RAD54L: variants seen among roughly 807,000 people sequenced by gnomAD.
RAD54L encodes the protein RAD54 like.
Under a neutral mutation model 91.6 loss-of-function variants are expected in RAD54L, and 74 were observed. The ratio of observed to expected loss-of-function variants is 0.81; its 90% CI spans 0.67 to 0.98. The LOEUF (loss-of-function observed/expected upper bound fraction) is 0.98, where lower values mean the gene tolerates loss of function less well. Ranked by LOEUF, RAD54L falls within the 50% of genes least tolerant of loss-of-function variation. RAD54L has a pLI of 0.00. For synonymous variants in RAD54L, 304 were observed against 349.7 expected (o/e 0.87, Z 1.46); for missense variants, 887 against 945.7 (o/e 0.94, Z 0.81).
rs1354915693 is a variant in RAD54L, at chr1:46,263,955, T to C, written c.891+2570T>C. ...TGATATTACAGGCGTGCACCACCAC[T>C]CTGGCTAATTTTTGTATTTTTAGTA... On this transcript the variant is annotated intron_variant, in intron 8 of 17. Transcript: ENST00000371975. The surrounding 1 kb of genome is among the most constrained non-coding windows in gnomAD (Gnocchi z 4.3). Among the ~76,000 whole-genome samples the C allele has an allele frequency of 1.3e-5, 2 of 151,980 alleles. No homozygotes were observed. The highest frequency in any genetic ancestry group is 4.8e-5 in the African/African-American group (2 of 41,372).
In RAD54L at chr1:46,270,782, A is replaced by C; in HGVS notation, c.1166A>C (p.Asn389Thr). 1.2e-6 allele frequency: 2 copies of C among 1,614,144 alleles called. No individual in the cohort carries two copies. Among genetic ancestry groups the C allele is most frequent in the African/African-American group, 1.3e-5 (1 of 75,052 alleles). ...CTGCGGGAGCTCACCAGCATTGTGA[A>C]TAGGTAATGACCTTAAGCGAAGTCA... ...ERLRELTSIVNRCLIRRTSDI... is the reference protein window; with the variant it reads ...ERLRELTSIVTRCLIRRTSDI... The change falls in exon 10 of 18, where the codon AAT (asparagine) becomes ACT (threonine). Residue 389 changes from asparagine (N) to threonine (T), a missense_variant. Asn to Thr is a moderately conservative substitution (Grantham distance 65). Coordinates refer to ENST00000371975, the MANE Select transcript of RAD54L (RefSeq NM_003579.4).
intron 3 of RAD54L, among the ~76,000 whole-genome samples, chr1:46,257,297 G>A (rs1049539644): frequency 2.6e-5 from 4 of 152,054 alleles, no homozygotes; most frequent in African/African-American, 9.7e-5. Context: ...TTTGCTAGAA[G>A]GGACATTTTT....
intron 3 of RAD54L, among the ~76,000 whole-genome samples, chr1:46,253,718 C>CTTTTTTT (rs1335416440): frequency 3.2e-4 from 17 of 52,570 alleles, no homozygotes; most frequent in Non-Finnish European, 5.4e-4. Flanking sequence ...TACTTAGGTA[C>CTTTTTTT]TCTTTTTTTT....
intron 3 of RAD54L, among the ~76,000 whole-genome samples, chr1:46,250,608 T>C (rs1157774108): frequency 6.6e-6 from 1 of 152,210 alleles, no homozygotes; most frequent in Non-Finnish European, 1.5e-5. Flanking sequence ...CTAAGCTTTA[T>C]GAGGAATGTT....
chr1:46,260,021 A>G lies in RAD54L; in HGVS notation c.329A>G (p.His110Arg). 2 of 1,614,156 alleles carry G rather than the reference A, an allele frequency of 1.2e-6. No individual in the cohort carries two copies. The highest frequency in any genetic ancestry group is 1.7e-6 in the Non-Finnish European group (2 of 1,180,014). Residue 110 changes from histidine (H) to arginine (R), a missense_variant, in exon 5 of 18, where the codon CAT becomes CGT. Transcript: ENST00000371975. ...AGGGCTGGGGTCCGCCGGGCCCTCC[A>G]TGACCCCCTGGAAAAAGATGCCTTG... ...LKRAGVRRALHDPLEKDALVL... is the reference protein window; with the variant it reads ...LKRAGVRRALRDPLEKDALVL...
intron 14 of RAD54L, 31 bp downstream of exon 14, chr1:46,273,778 G>A (rs368938739): frequency 6.3e-7 from 1 of 1,578,588 alleles, no homozygotes; most frequent in Non-Finnish European, 8.6e-7. Flanking sequence ...GATGCCAAAG[G>A]GGGATATACC....
Position 46,273,629 on chromosome 1 carries a change from A to T in RAD54L, c.1492A>T (p.Met498Leu), listed in dbSNP as rs761459605. 6.2e-7 allele frequency: 1 copy of T among 1,613,446 alleles called. No homozygotes were observed. The highest frequency in any genetic ancestry group is 8.5e-7 in the Non-Finnish European group (1 of 1,180,046). Reference protein sequence around the residue: ...KALEPQLSGKMLVLDYILAVT... With the variant: ...KALEPQLSGKLLVLDYILAVT... ...CTGGTTGCTGCTCTTCCCAGGTAAG[A>T]TGCTGGTCCTGGATTATATTCTGGC... is the stretch of plus-strand genomic sequence containing the variant. Residue 498 changes from methionine to leucine, a missense_variant, in exon 14 of 18, where the codon ATG becomes TTG. Coordinates refer to ENST00000371975, the MANE Select transcript of RAD54L (RefSeq NM_003579.4).
In RAD54L at chr1:46,272,725, C is replaced by T. The variant is rs137873579; in HGVS notation, c.1298C>T (p.Pro433Leu). 473 of 1,614,004 alleles carry T rather than the reference C, an allele frequency of 2.9e-4. No individual in the cohort carries two copies. The highest frequency in any genetic ancestry group is 3.8e-4 in the Non-Finnish European group (444 of 1,180,022). The change falls in exon 12 of 18, where the codon CCG (proline) becomes CTG (leucine). Residue 433 changes from proline to leucine, a missense_variant. Pro to Leu is a moderately conservative substitution (Grantham distance 98). Transcript: ENST00000371975. Reference protein sequence around the residue: ...LYKRFLRQAKPAEELLEGKMS... With the variant: ...LYKRFLRQAKLAEELLEGKMS... Reference sequence around the variant, plus strand: ...AAGAGGTTTCTGAGACAAGCCAAACCGGCAGAAGAATTGCTTGAGGGCAAG... The same window carrying T: ...AAGAGGTTTCTGAGACAAGCCAAACTGGCAGAAGAATTGCTTGAGGGCAAG...
chr1:46,274,630 C>G lies in RAD54L; in HGVS notation c.1782C>G (p.Asp594Glu), dbSNP rs1248566044. 3 of 1,614,086 alleles carry G rather than the reference C, an allele frequency of 1.9e-6. No individual in the cohort carries two copies. The highest frequency in any genetic ancestry group is 3.3e-5 in the Admixed American group (2 of 60,032). ...ACCGGCTGGTCATGTTTGACCCTGA[C>G]TGGAACCCAGCCAATGATGAACAAG... ...GANRLVMFDP[D>E]WNPANDEQAM... The change falls in exon 16 of 18, where the codon GAC becomes GAG. Residue 594 changes from aspartate (D) to glutamate (E), a missense_variant. Transcript: ENST00000371975.
chr1:46,276,413 G>T (rs1660604068), intron 16 of RAD54L, among the ~76,000 whole-genome samples: 1 of 151,988 alleles, frequency 6.6e-6, no homozygotes. Context: ...GATCCACCTT[G>T]GCCTTCCCAA....
At chr1:46,266,105 T>C (rs1038531278) in intron 8 of RAD54L, among the ~76,000 whole-genome samples, 20 of 152,138 alleles carry the variant, frequency 1.3e-4, no homozygotes, top group African/African-American at 4.1e-4. Flanking sequence ...GGAGGTGACA[T>C]CTGAGGAACT....
At chr1:46,266,735 A>G (rs912768197) in intron 8 of RAD54L, among the ~76,000 whole-genome samples, 5 of 152,332 alleles carry the variant, frequency 3.3e-5, no homozygotes, top group Non-Finnish European at 5.9e-5. Context: ...CGTCTGGCTC[A>G]GAAGGTTCTG....
chr1:46,249,915 C>A (rs1659751882), intron 2 of RAD54L, 85 bp from the exon 3 acceptor site: 1 of 1,481,068 alleles, frequency 6.8e-7, no homozygotes, highest in Admixed American at 1.7e-5. Context: ...GTGCCTGGCA[C>A]TTAATAAGCA....
chr1:46,273,182 A>G (rs1038414958), intron 12 of RAD54L, among the ~76,000 whole-genome samples, 173 bp from the exon 13 acceptor site: 1 of 152,200 alleles, frequency 6.6e-6, no homozygotes, highest in African/African-American at 2.4e-5. Flanking sequence ...TTGTCCATCC[A>G]TCGTCCCAGA....
rs767399408 is a variant in RAD54L, at chr1:46,260,811, G to A, written c.562G>A (p.Gly188Arg). Residue 188 changes from glycine to arginine, a missense_variant, in exon 7 of 18, where the codon GGA becomes AGA. Transcript: ENST00000371975. ...CATCATGGCTGATGAGATGGGCCTA[G>A]GAAAGACGCTGCAGTGCATCACATT... Reference protein sequence around the residue: ...GCIMADEMGLGKTLQCITLMW... With the variant: ...GCIMADEMGLRKTLQCITLMW... 6.8e-6 allele frequency: 11 copies of A among 1,614,256 alleles called. No homozygotes were observed. Among genetic ancestry groups the A allele is most frequent in the East Asian group, 2.2e-5 (1 of 44,892 alleles).
chr1:46,270,628 T>A (rs373201764), intron 9 of RAD54L, 31 bp from the exon 10 acceptor site: 1 of 1,613,358 alleles, frequency 6.2e-7, no homozygotes, highest in Non-Finnish European at 8.5e-7. Context: ...CTTTTCCACA[T>A]TCTTCTGTTT....
Position 46,261,198 on chromosome 1 carries a change from TTTTTTG to T in RAD54L, c.767-57_767-52del, listed in dbSNP as rs559518408. Reference sequence around the variant, plus strand: ...TAAATTAAAGAACTGTCTAATTGTTTTTTTTGTTTTTTTTTTTTTCAAAAGATTCTG... The same window carrying T: ...TAAATTAAAGAACTGTCTAATTGTTTTTTTTTTTTTTTTCAAAAGATTCTG... On this transcript the variant is annotated intron_variant, in intron 7 of 17. Coordinates refer to ENST00000371975, the MANE Select transcript of RAD54L (RefSeq NM_003579.4). The T allele has an allele frequency of 4.0e-4, 636 of 1,595,228 alleles. 1 individual carries two copies. In the East Asian group the frequency reaches 0.011, roughly 27 times the overall value.
chr1:46,264,688 C>T (rs1557703742), intron 8 of RAD54L, among the ~76,000 whole-genome samples: 1 of 152,260 alleles, frequency 6.6e-6, no homozygotes, highest in African/African-American at 2.4e-5. Flanking sequence ...GAGACAAACT[C>T]AGGGAAGTGC....
chr1:46,258,830 A>G, intron 4 of RAD54L, 84 bp downstream of exon 4: 2 of 1,147,814 alleles, frequency 1.7e-6, no homozygotes, highest in Non-Finnish European at 2.6e-6. Flanking sequence ...TGTAAATACA[A>G]GCTTAGCTGG....
Sources: allele counts gnomAD v4.1 joint callset (sites outside exome capture counted in the v4.1 genomes callset), GRCh38; gene constraint gnomAD v4.1.1; non-coding constraint Gnocchi (gnomAD v3.1); transcripts MANE v1.5; gene names NCBI Gene and HGNC (gene_info 2026-07-23, HGNC 2026-07-21).